The following PRR16 variants were observed in gnomAD, a reference collection of about 807,000 sequenced individuals.
PRR16 encodes the protein proline rich 16.
PRR16 carries 6 observed loss-of-function variants against 18.2 expected under a neutral mutation model. The observed-to-expected ratio is 0.33, with a 90% CI of 0.18 to 0.65. The LOEUF (loss-of-function observed/expected upper bound fraction) is 0.65, where lower values mean the gene tolerates loss of function less well. Among genes scored for constraint, PRR16 ranks in the 30% least tolerant of loss-of-function variants. The pLI is 0.74. For missense variants in PRR16, 412 were observed against 376.6 expected (o/e 1.09, Z -0.78); for synonymous variants, 151 against 147.8 (o/e 1.02, Z -0.16).
At chr5:120,627,419 G>A (rs1215659871) in intron 1 of PRR16, among the ~76,000 whole-genome samples, 1 of 151,902 alleles carries the variant, frequency 6.6e-6, no homozygotes, top group Non-Finnish European at 1.5e-5. Context: ...GATTCTTTTG[G>A]CAGCATATAG....
the PRR16 span, among the ~76,000 whole-genome samples, chr5:120,732,711 C>A: frequency 6.6e-6 from 1 of 152,060 alleles, no homozygotes; most frequent in African/African-American, 2.4e-5. Flanking sequence ...TGTAACCTTA[C>A]CCCATGTGAA....
chr5:120,785,162 G>A, the PRR16 span, among the ~76,000 whole-genome samples: 64 of 152,312 alleles, frequency 4.2e-4, 1 homozygote, highest in African/African-American at 1.5e-3. Flanking sequence ...AAGCTTGCCA[G>A]TAAGGCAGTA....
intron 1 of PRR16, among the ~76,000 whole-genome samples, chr5:120,607,719 TC>T (rs1349289632): frequency 2.4e-4 from 36 of 152,210 alleles, no homozygotes; most frequent in Non-Finnish European, 1.5e-5. Flanking sequence ...AAAAATCTTA[TC>T]ATTAGGGTTG....
intron 1 of PRR16, among the ~76,000 whole-genome samples, chr5:120,588,884 C>G (rs1753539654): frequency 6.6e-6 from 1 of 152,036 alleles, no homozygotes; most frequent in Non-Finnish European, 1.5e-5. Flanking sequence ...TTTAATTTCT[C>G]TAAGTCTCAA....
At chr5:120,490,433 G>T (rs1580638130) in intron 1 of PRR16, among the ~76,000 whole-genome samples, 1 of 152,000 alleles carries the variant, frequency 6.6e-6, no homozygotes, top group Non-Finnish European at 1.5e-5. Flanking sequence ...CTTTCTTCCA[G>T]TTGATCGAAT....
chr5:120,746,059 A>G, the PRR16 span, among the ~76,000 whole-genome samples: 29 of 151,962 alleles, frequency 1.9e-4, no homozygotes, highest in Non-Finnish European at 3.5e-4. Flanking sequence ...TGAAATTTTG[A>G]GATTTGGCAT....
chr5:120,736,216 A>C, the PRR16 span, among the ~76,000 whole-genome samples: 2 of 152,190 alleles, frequency 1.3e-5, no homozygotes, highest in African/African-American at 4.8e-5. Context: ...TTTCTCGACT[A>C]AAATTTTGTA....
At chr5:120,663,218 C>G (rs1005590914) in intron 1 of PRR16, among the ~76,000 whole-genome samples, 1 of 151,190 alleles carries the variant, frequency 6.6e-6, no homozygotes, top group Non-Finnish European at 1.5e-5. Context: ...TTTTTTTTCC[C>G]TTAGCTGATA....
chr5:120,752,389 C>A, the PRR16 span, among the ~76,000 whole-genome samples: 1 of 151,818 alleles, frequency 6.6e-6, no homozygotes. Context: ...AACAGAGAAA[C>A]CTGGCTTCAT....
At chr5:120,617,995 G>A (rs1383972016) in intron 1 of PRR16, among the ~76,000 whole-genome samples, 1 of 151,968 alleles carries the variant, frequency 6.6e-6, no homozygotes, top group Non-Finnish European at 1.5e-5. Context: ...AAGAACGTGG[G>A]TTTATTGCTC....
At chr5:120,649,250 A>G (rs1019769719) in intron 1 of PRR16, among the ~76,000 whole-genome samples, 6 of 152,080 alleles carry the variant, frequency 3.9e-5, no homozygotes, top group Non-Finnish European at 8.8e-5. Flanking sequence ...TATGAGTATT[A>G]ATTTTAAGGT....
chr5:120,573,910 T>C (rs1245370478), intron 1 of PRR16, among the ~76,000 whole-genome samples: 1 of 151,838 alleles, frequency 6.6e-6, no homozygotes, highest in Non-Finnish European at 1.5e-5. Flanking sequence ...TGTGTATATA[T>C]ATATATATCA....
At chr5:120,522,357 A>C (rs557902641) in intron 1 of PRR16, among the ~76,000 whole-genome samples, 181 of 152,158 alleles carry the variant, frequency 1.2e-3, no homozygotes, top group African/African-American at 3.1e-3. Flanking sequence ...TTTTAATGAT[A>C]GCCATTCTAA....
chr5:120,630,250 G>A (rs1053315423), intron 1 of PRR16, among the ~76,000 whole-genome samples: 1 of 150,506 alleles, frequency 6.6e-6, no homozygotes, highest in African/African-American at 2.5e-5. Flanking sequence ...TCATTTTCTT[G>A]TTCACGTCCT....
At chr5:120,511,551 A>G (rs911785626) in intron 1 of PRR16, among the ~76,000 whole-genome samples, 5 of 152,016 alleles carry the variant, frequency 3.3e-5, no homozygotes, top group African/African-American at 1.2e-4. Flanking sequence ...CCTTATTTCT[A>G]AGTTCTTCAT....
chr5:120,778,343 G>A, the PRR16 span, among the ~76,000 whole-genome samples: 1 of 152,082 alleles, frequency 6.6e-6, no homozygotes, highest in African/African-American at 2.4e-5. Flanking sequence ...GAGCTTTCAA[G>A]AAACACCATT....
chr5:120,668,846 C>G (rs1756490357), intron 1 of PRR16, among the ~76,000 whole-genome samples: 1 of 152,126 alleles, frequency 6.6e-6, no homozygotes, highest in Non-Finnish European at 1.5e-5. Flanking sequence ...ATGGGCTTCC[C>G]TTTGTGGGTA....
intron 1 of PRR16, among the ~76,000 whole-genome samples, chr5:120,480,780 A>G (rs938358426): frequency 5.3e-5 from 8 of 152,230 alleles, no homozygotes; most frequent in Non-Finnish European, 1.2e-4. Flanking sequence ...TACTATTGTT[A>G]AAATATTTAG....
At position 120,495,213 on chromosome 5, in the gene PRR16, T is replaced by C. The variant is rs146299489; in HGVS notation, c.159+30568T>C. Reference sequence around the variant, plus strand: ...CTTCTTATCCATGAACATGATTGTCTATTTATTTGATCATGTTAGATTTAT... The same window carrying C: ...CTTCTTATCCATGAACATGATTGTCCATTTATTTGATCATGTTAGATTTAT... On this transcript the variant is annotated intron_variant, in intron 1 of 1. Transcript: ENST00000407149. 2.9e-4 allele frequency among the ~76,000 whole-genome samples: 44 copies of C among 152,258 alleles called. 1 individual carries two copies. In the East Asian group the frequency reaches 8.5e-3, roughly 29 times the overall value.
Sources: gnomAD v4.1 joint callset for allele counts (sites outside exome capture counted in the v4.1 genomes callset) on GRCh38, gnomAD v4.1.1 for gene constraint, MANE v1.5 for transcripts, NCBI Gene and HGNC (gene_info 2026-07-23, HGNC 2026-07-21) for gene names.